The following ENAH variants were observed in gnomAD, a reference collection of about 807,000 sequenced individuals.
The protein encoded by ENAH is protein enabled homolog.
ENAH carries 23 observed loss-of-function variants against 78.7 expected under a neutral mutation model. The ratio of observed to expected loss-of-function variants is 0.29; its 90% CI spans 0.21 to 0.41. The LOEUF is 0.41. Among genes scored for constraint, ENAH ranks in the 10% least tolerant of loss-of-function variants. The pLI is 1.00. For synonymous variants in ENAH, 226 were observed against 241.0 expected (o/e 0.94, Z 0.58); for missense variants, 544 against 691.0 (o/e 0.79, Z 2.39).
chr1:225,626,920 A>G (rs950082849), intron 1 of ENAH, among the ~76,000 whole-genome samples: 1 of 152,244 alleles, frequency 6.6e-6, no homozygotes, highest in Admixed American at 6.5e-5. Flanking sequence ...CAGCTGACAT[A>G]TGAGACACTA....
intron 12 of ENAH, 102 bp from the exon 13 acceptor site, chr1:225,498,506 T>A (rs984464754): frequency 4.4e-6 from 3 of 685,070 alleles, no homozygotes; most frequent in African/African-American, 1.9e-5. Context: ...TGATGTGTAG[T>A]TTTTTTTGTT....
chr1:225,646,218 T>C lies in ENAH; in HGVS notation c.5+6468A>G, dbSNP rs186897777. Among the ~76,000 whole-genome samples, 959 of 151,456 alleles carry C rather than the reference T, an allele frequency of 6.3e-3. 10 individuals are homozygous for C. Among genetic ancestry groups the C allele is most frequent in the African/African-American group, 0.018 (746 of 41,448 alleles). ...TGCTATAGACTGAACTGTGTTCCCC[T>C]AAAATTTATATGTTAATACCCTAAC... On this transcript the variant is annotated intron_variant, in intron 1 of 13. Transcript: ENST00000366843.
intron 12 of ENAH, among the ~76,000 whole-genome samples, chr1:225,498,767 G>A (rs1427543976): frequency 6.6e-6 from 1 of 152,202 alleles, no homozygotes; most frequent in Non-Finnish European, 1.5e-5. Flanking sequence ...GTTTAGAGGA[G>A]GAAGATATTA....
At chr1:225,562,733 C>A (rs2096714553) in intron 2 of ENAH, among the ~76,000 whole-genome samples, 1 of 151,740 alleles carries the variant, frequency 6.6e-6, no homozygotes, top group Non-Finnish European at 1.5e-5. Flanking sequence ...GTTTTAACAG[C>A]TCTTACTATA....
At chr1:225,615,972 T>C (rs1052655886) in intron 1 of ENAH, among the ~76,000 whole-genome samples, 21 of 152,330 alleles carry the variant, frequency 1.4e-4, no homozygotes, top group Admixed American at 5.2e-4. Flanking sequence ...GACTCCATTT[T>C]GTTCTGTACT....
At chr1:225,517,596 G>A (rs1427826675) in intron 5 of ENAH, 2 of 1,551,250 alleles carry the variant, frequency 1.3e-6, no homozygotes, top group Non-Finnish European at 1.7e-6. Flanking sequence ...CTGGGGGGCT[G>A]CTAATCATTA....
chr1:225,642,411 T>G (rs1190411708), intron 1 of ENAH, among the ~76,000 whole-genome samples: 2 of 152,048 alleles, frequency 1.3e-5, no homozygotes, highest in African/African-American at 4.8e-5. Context: ...GGGCATGTTG[T>G]CATGAGGAGG....
At chr1:225,606,842 CAAA>C (rs59168194) in intron 1 of ENAH, among the ~76,000 whole-genome samples, 3,352 of 48,650 alleles carry the variant, frequency 0.069, 28 homozygotes, top group South Asian at 0.14. Context: ...GACTCTGTCT[CAAA>C]AAAAAAAAAA....
chr1:225,618,151 G>T (rs1344831944), intron 1 of ENAH, among the ~76,000 whole-genome samples: 1 of 152,158 alleles, frequency 6.6e-6, no homozygotes, highest in Non-Finnish European at 1.5e-5. Context: ...ATCCCAAACA[G>T]ATTGTTCAAC....
At chr1:225,551,540 A>T (rs1014601861) in intron 3 of ENAH, among the ~76,000 whole-genome samples, 1 of 152,158 alleles carries the variant, frequency 6.6e-6, no homozygotes, top group Non-Finnish European at 1.5e-5. Flanking sequence ...CCATGGAGGC[A>T]TCTCAGTGGT....
chr1:225,578,089 A>G (rs1176413924), intron 1 of ENAH, among the ~76,000 whole-genome samples: 3 of 152,198 alleles, frequency 2.0e-5, no homozygotes, highest in Non-Finnish European at 4.4e-5. Context: ...AGAATGCACA[A>G]TTTCCATATT....
chr1:225,535,973 T>A (rs1229356368), intron 3 of ENAH, among the ~76,000 whole-genome samples: 1 of 152,058 alleles, frequency 6.6e-6, no homozygotes, highest in African/African-American at 2.4e-5. Flanking sequence ...GAGAATTGAA[T>A]CTGAAAAAAA....
chr1:225,498,437 GAAC>G, intron 12 of ENAH, 33 bp from the exon 13 acceptor site: 1 of 1,324,550 alleles, frequency 7.5e-7, no homozygotes, highest in Non-Finnish European at 1.1e-6. Flanking sequence ...CAGAAATACA[GAAC>G]AAAATTACCA....
At chr1:225,597,742 C>A (rs2096909364) in intron 1 of ENAH, among the ~76,000 whole-genome samples, 1 of 146,812 alleles carries the variant, frequency 6.8e-6, no homozygotes, top group East Asian at 2.0e-4. Context: ...GCCAGAAAAA[C>A]AAAAAAGAGT....
chr1:225,555,221 T>C, intron 2 of ENAH, 138 bp from the exon 3 acceptor site: 1 of 610,860 alleles, frequency 1.6e-6, no homozygotes, highest in South Asian at 3.7e-5. Flanking sequence ...ATTATCTGGG[T>C]AAAATCTACA....
intron 1 of ENAH, among the ~76,000 whole-genome samples, chr1:225,617,588 G>GT (rs1656023392): frequency 2.0e-5 from 3 of 152,174 alleles, no homozygotes; most frequent in Admixed American, 1.3e-4. Context: ...GGACAGTGTG[G>GT]TGACAGGATG....
At chr1:225,537,106 G>C (rs1370424272) in intron 3 of ENAH, among the ~76,000 whole-genome samples, 1 of 151,588 alleles carries the variant, frequency 6.6e-6, no homozygotes, top group African/African-American at 2.4e-5. Context: ...TTACCCTTCA[G>C]TTCCTTTATT....
Position 225,599,796 on chromosome 1 carries a change from TAAAAAAAAAAAA to T in ENAH, c.6-32394_6-32383del, listed in dbSNP as rs34052384. Among the ~76,000 whole-genome samples the T allele has an allele frequency of 8.4e-5, 7 of 82,974 alleles. No individual in the cohort carries two copies. In the East Asian group the frequency reaches 9.5e-4, roughly 11 times the overall value. The allele number at this position is 82,974 out of a possible 152,430, so 54.4% of individuals were successfully genotyped here. A position where few individuals can be genotyped will look rare whatever the true frequency, so the allele number is the denominator to read the frequency against. On this transcript the variant is annotated intron_variant, in intron 1 of 13. Coordinates refer to ENST00000366843, the MANE Select transcript of ENAH (RefSeq NM_018212.6). ...GGGCGACAGGGCCGAGACTCCGTCT[TAAAAAAAAAAAA>T]AAAAAAAAAAAAAGTGACCCCCTTT...
chr1:225,525,944 C>A (rs879512319), intron 4 of ENAH, among the ~76,000 whole-genome samples: 3 of 151,964 alleles, frequency 2.0e-5, no homozygotes, highest in Non-Finnish European at 4.4e-5. Flanking sequence ...CTTTTTTGAC[C>A]TAAACCAGAA....
Sources: allele counts gnomAD v4.1 joint callset (sites outside exome capture counted in the v4.1 genomes callset), GRCh38; gene constraint gnomAD v4.1.1; transcripts MANE v1.5; gene names NCBI Gene and HGNC (gene_info 2026-07-23, HGNC 2026-07-21).